The following PPM1H variants were observed in gnomAD, a reference collection of about 807,000 sequenced individuals.
PPM1H encodes the protein protein phosphatase 1H.
Under a neutral mutation model 54.9 loss-of-function variants are expected in PPM1H, and 27 were observed. The ratio of observed to expected loss-of-function variants is 0.49; its 90% confidence interval spans 0.36 to 0.68. PPM1H has a LOEUF of 0.68. PPM1H is among the 30% of genes least tolerant of loss of function. The pLI, the probability that PPM1H is intolerant of heterozygous loss-of-function variation, is 0.00. For synonymous variants in PPM1H, 305 were observed against 270.8 expected, an observed-to-expected ratio of 1.13 and a Z score of -1.24; for missense variants, 596 against 667.8, an observed-to-expected ratio of 0.89 and a Z score of 1.19.
At position 62,788,804 on chromosome 12, in the gene PPM1H, C is replaced by T. The variant is rs114410097; in HGVS notation, c.757-466G>A. 3.7e-3 allele frequency among the ~76,000 whole-genome samples: 556 copies of T among 152,210 alleles called. 2 individuals carry two copies. The highest frequency in any genetic ancestry group is 0.013 in the African/African-American group (520 of 41,540). Reference sequence around the variant, plus strand: ...GCAGTGGCCCAATCTTGGCTCACTGCAACCTGTGCTTCCCAGGCTCAAGCA... The same window carrying T: ...GCAGTGGCCCAATCTTGGCTCACTGTAACCTGTGCTTCCCAGGCTCAAGCA... On this transcript the variant is annotated intron_variant, in intron 3 of 9. Transcript: ENST00000228705.
At position 62,823,286 on chromosome 12, in the gene PPM1H, C is replaced by A. The variant is rs201828059; in HGVS notation, c.411+8828G>T. 2.6e-5 allele frequency among the ~76,000 whole-genome samples: 4 copies of A among 152,218 alleles called. No homozygotes were observed. In the East Asian group the frequency reaches 5.8e-4, roughly 22 times the overall value. ...CAACCAAAGAAAGTCCAGAACCAGA[C>A]GGATTCACAGCCAAATTCTACCAGA... is the stretch of plus-strand genomic sequence containing the variant. On this transcript the variant is annotated intron_variant, in intron 2 of 9. Coordinates refer to ENST00000228705, the MANE Select transcript of PPM1H (RefSeq NM_020700.2).
At chr12:62,819,130 C>CT (rs34661742) in intron 2 of PPM1H, among the ~76,000 whole-genome samples, 4,342 of 113,814 alleles carry the variant, frequency 0.038, 194 homozygotes, top group African/African-American at 0.088. Context: ...CAAAACATTG[C>CT]TTTTTTTTTT....
chr12:62,648,630 T>C lies in PPM1H; in HGVS notation c.1404A>G (p.Thr468=). The change falls in exon 10 of 10, where the codon ACA becomes ACG. Residue 468 remains threonine, a synonymous_variant. Coordinates refer to ENST00000228705, the MANE Select transcript of PPM1H (RefSeq NM_020700.2). The part of the protein sequence containing the change: ...NCDPDDPHRY[T]LAAQDLVMRA... ...GCATCACCAGGTCCTGAGCTGCCAG[T>C]GTGTACCTACACAGGAGAACCAGGA... is the stretch of plus-strand genomic sequence containing the variant. 1 of 1,613,778 alleles carries C rather than the reference T, an allele frequency of 6.2e-7. No homozygotes were observed.
chr12:62,846,086 T>A (rs933001300), intron 1 of PPM1H, among the ~76,000 whole-genome samples: 1 of 152,132 alleles, frequency 6.6e-6, no homozygotes, highest in Non-Finnish European at 1.5e-5. Context: ...TAACCTGTCG[T>A]CTCTTCTTAG....
rs558151742 is a variant in PPM1H at position 62,698,421 on chromosome 12, A to C, written c.1074-4422T>G. 2.6e-5 allele frequency among the ~76,000 whole-genome samples: 4 copies of C among 152,314 alleles called. No homozygotes were observed. The South Asian group carries it at 8.3e-4, about 32-fold the overall frequency. On this transcript the variant is annotated intron_variant, in intron 6 of 9. Transcript: ENST00000228705. Reference sequence around the variant, plus strand: ...GCTTGAGAGCTCTTCAATTGTTTAAAGAGAACTATCTCAAAGTTTCCTTTT... The same window carrying C: ...GCTTGAGAGCTCTTCAATTGTTTAACGAGAACTATCTCAAAGTTTCCTTTT...
At chr12:62,738,179 G>A (rs1394524335) in intron 4 of PPM1H, among the ~76,000 whole-genome samples, 1 of 152,136 alleles carries the variant, frequency 6.6e-6, no homozygotes, top group African/African-American at 2.4e-5. Flanking sequence ...ATGATGCTGT[G>A]GGCCAGCAGC....
intron 1 of PPM1H, among the ~76,000 whole-genome samples, chr12:62,929,380 C>T (rs1276605377): frequency 6.6e-6 from 1 of 152,162 alleles, no homozygotes; most frequent in African/African-American, 2.4e-5. Context: ...AACTAATCCT[C>T]CCTTTAAATT....
rs368191324 is a variant in PPM1H, at chr12:62,667,293, A to C, written c.1282T>G (p.Ser428Ala). The change falls in exon 9 of 10, where the codon TCA becomes GCA. Residue 428 changes from serine to alanine, a missense_variant. Ser to Ala is a moderately conservative substitution (Grantham distance 99). Around this residue, in one of 3 missense-constraint regions of PPM1H, gnomAD observed 208 missense variants for 259.5 expected, o/e 0.80. Coordinates refer to ENST00000228705, the MANE Select transcript of PPM1H (RefSeq NM_020700.2). ...GTGGCCAAGATCAGCACATCATCTG[A>C]TCCATGATCATATTTTGAAAGATCG... Reference protein sequence around the residue: ...IYDLSKYDHGSDDVLILATDG... With the variant: ...IYDLSKYDHGADDVLILATDG... The C allele has an allele frequency of 1.9e-6, 3 of 1,604,774 alleles. No individual in the cohort carries two copies. In the African/African-American group the frequency reaches 4.0e-5, roughly 21 times the overall value.
rs566428347 is a variant in PPM1H, at chr12:62,762,223, C to T, written c.870-24637G>A. Among the ~76,000 whole-genome samples, 5 of 152,340 alleles carry T rather than the reference C, an allele frequency of 3.3e-5. No homozygotes were observed. The South Asian group carries it at 1.0e-3, about 32-fold the overall frequency. ...GTGTGCACAAAGCTCTGTGATTAGA[C>T]CCTGTGGTGACCACACCTGATGTGT... is the stretch of plus-strand genomic sequence containing the variant. On this transcript the variant is annotated intron_variant, in intron 4 of 9. Transcript: ENST00000228705.
intron 5 of PPM1H, among the ~76,000 whole-genome samples, chr12:62,725,380 C>T (rs2076284574): frequency 6.6e-6 from 1 of 152,178 alleles, no homozygotes; most frequent in Non-Finnish European, 1.5e-5. Flanking sequence ...GTCACAGGAT[C>T]CTCATTCCAG....
intron 2 of PPM1H, among the ~76,000 whole-genome samples, chr12:62,814,213 G>A (rs1007426733): frequency 1.3e-5 from 2 of 152,052 alleles, no homozygotes; most frequent in Non-Finnish European, 2.9e-5. Context: ...CTGAGTAGAT[G>A]GGACCATGAG....
intron 5 of PPM1H, among the ~76,000 whole-genome samples, chr12:62,734,245 G>A (rs1049592510): frequency 6.6e-6 from 1 of 151,790 alleles, no homozygotes; most frequent in Admixed American, 6.6e-5. Context: ...GGACTTCCCA[G>A]CCTCTACATC....
At chr12:62,649,384 G>T (rs2075804150) in intron 9 of PPM1H, among the ~76,000 whole-genome samples, 1 of 152,132 alleles carries the variant, frequency 6.6e-6, no homozygotes, top group African/African-American at 2.4e-5. Context: ...GAGAAAGAAT[G>T]ACACTGTAAG....
intron 1 of PPM1H, among the ~76,000 whole-genome samples, chr12:62,895,373 C>A (rs1192791775): frequency 6.6e-6 from 1 of 152,172 alleles, no homozygotes; most frequent in Non-Finnish European, 1.5e-5. Flanking sequence ...AGTTCAATGA[C>A]AATCACTGCC....
intron 5 of PPM1H, among the ~76,000 whole-genome samples, chr12:62,723,538 T>C (rs778320464): frequency 3.9e-5 from 6 of 152,160 alleles, no homozygotes; most frequent in Non-Finnish European, 7.4e-5. Context: ...AATGCTGCTA[T>C]AGAAAAGGGC....
chr12:62,884,365 G>A (rs1870504974), intron 1 of PPM1H, among the ~76,000 whole-genome samples: 3 of 151,232 alleles, frequency 2.0e-5, no homozygotes, highest in South Asian at 4.2e-4. Context: ...GTCAGGCATA[G>A]TGGCAGGTGC....
chr12:62,872,337 A>G (rs1048816205), intron 1 of PPM1H, among the ~76,000 whole-genome samples: 3 of 152,214 alleles, frequency 2.0e-5, no homozygotes, highest in South Asian at 4.1e-4. Context: ...CAACCAAGAT[A>G]TAACACTAAC....
intron 3 of PPM1H, chr12:62,788,630 A>G: frequency 3.4e-6 from 1 of 292,540 alleles, no homozygotes. Flanking sequence ...TAAATATCAC[A>G]GCTTATGGAA....
chr12:62,907,188 C>T (rs1383341920), intron 1 of PPM1H, among the ~76,000 whole-genome samples: 1 of 152,222 alleles, frequency 6.6e-6, no homozygotes, highest in Non-Finnish European at 1.5e-5. Flanking sequence ...CCATCTAAGA[C>T]ATGCAATCTA....
Sources: allele counts gnomAD v4.1 joint callset (sites outside exome capture counted in the v4.1 genomes callset), GRCh38; gene constraint gnomAD v4.1.1; regional missense constraint gnomAD v4.1.1; transcripts MANE v1.5; gene names NCBI Gene and HGNC (gene_info 2026-07-23, HGNC 2026-07-21).